SF3B3: variants seen among roughly 807,000 people sequenced by gnomAD.
SF3B3 encodes the protein SAP 130.
A neutral mutation model predicts 139.2 loss-of-function variants in SF3B3; 33 were observed. That is an observed-to-expected ratio of 0.24 (90% CI 0.18 to 0.32). SF3B3 has a LOEUF of 0.32. Among genes scored for constraint, SF3B3 ranks in the 10% least tolerant of loss-of-function variants. SF3B3 has a pLI of 1.00. For synonymous variants in SF3B3, 596 were observed against 563.6 expected (o/e 1.06, Z -0.81); for missense variants, 818 against 1,509.4 (o/e 0.54, Z 7.59).
chr16:70,565,690 T>G, intron 20 of SF3B3, 166 bp downstream of exon 20: 1 of 628,988 alleles, frequency 1.6e-6, no homozygotes, highest in Non-Finnish European at 2.7e-6. Flanking sequence ...GATGTTCTTG[T>G]GCCTGTGCAT....
chr16:70,554,424 A>G, intron 11 of SF3B3, 22 bp from the exon 12 acceptor site: 1 of 1,612,958 alleles, frequency 6.2e-7, no homozygotes, highest in Non-Finnish European at 8.5e-7. Context: ...TATCTAACCA[A>G]CTCCCTTCTT....
At position 70,526,568 on chromosome 16, in the gene SF3B3, C is replaced by A; in HGVS notation, c.-70-19C>A. Reference sequence around the variant, plus strand: ...AAGTAATAGTCTCCCAGCTATTTTTCTGTTTTCTGTTTTCTTAGCTTTCTT... The same window carrying A: ...AAGTAATAGTCTCCCAGCTATTTTTATGTTTTCTGTTTTCTTAGCTTTCTT... On this transcript the variant is annotated intron_variant, in intron 1 of 25. Transcript: ENST00000302516. The A allele has an allele frequency of 1.2e-6, 1 of 850,148 alleles. No homozygotes were observed. Among genetic ancestry groups the A allele is most frequent in the Non-Finnish European group, 1.9e-6 (1 of 523,752 alleles). The allele number at this position is 850,148 out of a possible 1,614,324, so 52.7% of individuals were successfully genotyped here.
chr16:70,541,909 T>C, intron 9 of SF3B3, 75 bp downstream of exon 9: 1 of 1,333,962 alleles, frequency 7.5e-7, no homozygotes, highest in Non-Finnish European at 1.0e-6. Context: ...AATAGCTTTA[T>C]TAGTATTTCC....
chr16:70,571,827 G>A lies in SF3B3; in HGVS notation c.*14G>A, dbSNP rs374048473. On this transcript the variant is annotated 3_prime_UTR_variant, in exon 26 of 26. Coordinates refer to ENST00000302516, the MANE Select transcript of SF3B3 (RefSeq NM_012426.5). ...TACGCCTTCTGAGCCCTCCTTTCCCGGTGGGGCTTGCCAGAGACTGTGTGT... is the reference window on the plus strand; with the variant it reads ...TACGCCTTCTGAGCCCTCCTTTCCCAGTGGGGCTTGCCAGAGACTGTGTGT... The A allele has an allele frequency of 1.1e-4, 181 of 1,605,242 alleles. 1 individual carries two copies. The highest frequency in any genetic ancestry group is 9.3e-4 in the Admixed American group (53 of 57,266).
intron 20 of SF3B3, among the ~76,000 whole-genome samples, chr16:70,566,772 G>A (rs2050481099): frequency 6.6e-6 from 1 of 152,076 alleles, no homozygotes; most frequent in Non-Finnish European, 1.5e-5. Flanking sequence ...CACTAGGCTG[G>A]GTGCAGTGGC....
chr16:70,569,988 T>G lies in SF3B3; in HGVS notation c.3265-18T>G. On this transcript the variant is annotated intron_variant, in intron 23 of 25. Transcript: ENST00000302516. ...TCCTGAGGGTGCACACAGTCACTAG[T>G]CTGTTTGTGACTCACAGGCAGAGGT... is the stretch of plus-strand genomic sequence containing the variant. The G allele has an allele frequency of 5.0e-6, 8 of 1,613,602 alleles. No homozygotes were observed. The highest frequency in any genetic ancestry group is 6.8e-6 in the Non-Finnish European group (8 of 1,179,684).
chr16:70,531,977 A>G (rs901446953), intron 4 of SF3B3, among the ~76,000 whole-genome samples: 7 of 152,152 alleles, frequency 4.6e-5, no homozygotes, highest in Non-Finnish European at 1.5e-5. Context: ...GAGGCCCAGG[A>G]ATTCTAGGCT....
rs368379248 is a variant in SF3B3 at position 70,539,053 on chromosome 16, C to T, written c.964-51C>T. 3.0e-4 allele frequency: 380 copies of T among 1,265,334 alleles called. 2 individuals are homozygous for T. In the Middle Eastern group the frequency reaches 3.7e-3, roughly 12 times the overall value. 78.4% of individuals were successfully genotyped at this position (1,265,334 alleles called of 1,614,324 possible). On this transcript the variant is annotated intron_variant, in intron 7 of 25. Coordinates refer to ENST00000302516, the MANE Select transcript of SF3B3 (RefSeq NM_012426.5). ...ACTCAGCCTGTGCTGTCTTATAATA[C>T]GGGGCTCACTTCACTTTGTTTGTAC...
intron 20 of SF3B3, among the ~76,000 whole-genome samples, chr16:70,566,882 C>G (rs1241951925): frequency 6.6e-6 from 1 of 152,016 alleles, no homozygotes; most frequent in Non-Finnish European, 1.5e-5. Context: ...AACTCAGTTT[C>G]TACGAAAAAT....
Position 70,556,426 on chromosome 16 carries a change from A to G in SF3B3, c.1866+92A>G, listed in dbSNP as rs116746911. On this transcript the variant is annotated intron_variant, in intron 14 of 25. Transcript: ENST00000302516. ...TCTCTGAGATCCACTCCTGATGTCTATCTCTGAGATCAGCTGGGTTAGAAC... is the reference window on the plus strand; with the variant it reads ...TCTCTGAGATCCACTCCTGATGTCTGTCTCTGAGATCAGCTGGGTTAGAAC... The G allele has an allele frequency of 1.8e-3, 2,498 of 1,396,232 alleles. 40 individuals carry two copies. The African/African-American group carries it at 0.026, about 14-fold the overall frequency. The allele number at this position is 1,396,232 out of a possible 1,614,324, so 86.5% of individuals were successfully genotyped here. A position where few individuals can be genotyped will look rare whatever the true frequency, so the allele number is the denominator to read the frequency against.
intron 1 of SF3B3, chr16:70,524,548 C>G (rs1464480593): frequency 1.3e-5 from 2 of 151,158 alleles, no homozygotes; most frequent in African/African-American, 2.4e-5. Context: ...GAGTCACAGT[C>G]TGTCGCCCAG....
rs770409955 is a variant in SF3B3 at position 70,556,280 on chromosome 16, C to T, written c.1812C>T (p.Phe604=). 2 of 1,614,186 alleles carry T rather than the reference C, an allele frequency of 1.2e-6. No individual in the cohort carries two copies. Among genetic ancestry groups the T allele is most frequent in the East Asian group, 2.2e-5 (1 of 44,888 alleles). Reference sequence around the variant, plus strand: ...CCCCTGGAGAGCAGCGGTCTCGCTTCCTGGCTGTGGGGCTTGTGGACAACA... The same window carrying T: ...CCCCTGGAGAGCAGCGGTCTCGCTTTCTGGCTGTGGGGCTTGTGGACAACA... ...NVPPGEQRSR[F]LAVGLVDNTV... is the part of the protein sequence containing the mutation. Residue 604 remains phenylalanine, a synonymous_variant, in exon 14 of 26, where the codon TTC becomes TTT. Coordinates refer to ENST00000302516, the MANE Select transcript of SF3B3 (RefSeq NM_012426.5).
intron 25 of SF3B3, 72 bp downstream of exon 25, chr16:70,571,271 A>G (rs1260671431): frequency 4.8e-5 from 55 of 1,149,210 alleles, no homozygotes; most frequent in Non-Finnish European, 7.0e-5. Flanking sequence ...ATTGATGGGA[A>G]TAGTACCAGG....
chr16:70,561,838 A>T lies in SF3B3; in HGVS notation c.2288+54A>T, dbSNP rs1281689704. The stretch of plus-strand genomic sequence containing the variant: ...CAGGAAGCCTTTCTGCCAAGGGCTC[A>T]GACTGGTTCTGCCAGAGTGTTGGAG... On this transcript the variant is annotated intron_variant, in intron 17 of 25. Coordinates refer to ENST00000302516, the MANE Select transcript of SF3B3 (RefSeq NM_012426.5). The T allele has an allele frequency of 2.6e-6, 4 of 1,518,148 alleles. No individual in the cohort carries two copies. The East Asian group carries it at 6.8e-5, about 26-fold the overall frequency. The allele number at this position is 1,518,148 out of a possible 1,614,324, so 94.0% of individuals were successfully genotyped here.
At chr16:70,571,304 A>G (rs2050527047) in intron 25 of SF3B3, 105 bp downstream of exon 25, 1 of 802,328 alleles carries the variant, frequency 1.2e-6, no homozygotes. Context: ...CTCAGGGCAG[A>G]CCACAGCCAG....
intron 15 of SF3B3, among the ~76,000 whole-genome samples, chr16:70,558,424 T>C (rs1251903340): frequency 6.6e-6 from 1 of 152,178 alleles, no homozygotes; most frequent in East Asian, 1.9e-4. Context: ...TGGCCAGTTT[T>C]AATGTTTTAT....
chr16:70,529,289 A>C, intron 3 of SF3B3, 90 bp downstream of exon 3: 1 of 1,070,314 alleles, frequency 9.3e-7, no homozygotes, highest in Non-Finnish European at 1.4e-6. Context: ...TTAATTACTT[A>C]TGTGGGTTTG....
chr16:70,563,768 G>A (rs1403036692), intron 17 of SF3B3, 108 bp from the exon 18 acceptor site: 3 of 1,047,300 alleles, frequency 2.9e-6, no homozygotes, highest in East Asian at 2.4e-5. Context: ...TAATGCCAAC[G>A]TTAGAGCTCC....
At chr16:70,562,855 G>A (rs1051192218) in intron 17 of SF3B3, among the ~76,000 whole-genome samples, 4 of 151,888 alleles carry the variant, frequency 2.6e-5, no homozygotes, top group African/African-American at 7.3e-5. Flanking sequence ...TTGAGACAAG[G>A]TCTTACTCTG....
Sources: gnomAD v4.1 joint callset for allele counts (sites outside exome capture counted in the v4.1 genomes callset) on GRCh38, gnomAD v4.1.1 for gene constraint, MANE v1.5 for transcripts, NCBI Gene and HGNC (gene_info 2026-07-23, HGNC 2026-07-21) for gene names.